CHST9: variants seen among roughly 807,000 people sequenced by gnomAD.
CHST9 encodes the protein GalNAc-4-sulfotransferase 2.
A neutral mutation model predicts 44.4 loss-of-function variants in CHST9; 41 were observed. The observed-to-expected ratio is 0.92, with a 90% CI of 0.72 to 1.20. The LOEUF is 1.20. CHST9 is among the 50% of genes most tolerant of loss of function. The probability of loss-of-function intolerance (pLI) is 0.00; values close to 1 mark genes in which losing one functional copy is unlikely to be tolerated. For synonymous variants in CHST9, 171 were observed against 178.4 expected (o/e 0.96, Z 0.33); for missense variants, 504 against 516.5 (o/e 0.98, Z 0.23).
intron 2 of CHST9, among the ~76,000 whole-genome samples, chr18:27,082,509 A>G (rs1457483310): frequency 6.6e-6 from 1 of 152,142 alleles, no homozygotes; most frequent in Non-Finnish European, 1.5e-5. Context: ...GGCTTCTCCC[A>G]TCCTCAGTGT....
intron 4 of CHST9, among the ~76,000 whole-genome samples, chr18:26,948,715 C>A (rs922025303): frequency 6.6e-6 from 1 of 152,094 alleles, no homozygotes; most frequent in Non-Finnish European, 1.5e-5. Context: ...GGCTTGTTTG[C>A]CTATCTATAA....
chr18:27,081,435 CAGG>C (rs1421246055), intron 2 of CHST9, among the ~76,000 whole-genome samples: 3 of 152,152 alleles, frequency 2.0e-5, no homozygotes, highest in Admixed American at 6.6e-5. Context: ...TCTCTGATTG[CAGG>C]AGAACAGGAA....
In CHST9 at chr18:27,142,833, G is replaced by T; in HGVS notation, c.-24C>A. On this transcript the variant is annotated 5_prime_UTR_variant, in exon 2 of 6. Transcript: ENST00000618847. Reference sequence around the variant, plus strand: ...ATTTCTCCTTATTTCAGAATCTGAAGACCACATGATTTGTTTTCCCGTAAA... The same window carrying T: ...ATTTCTCCTTATTTCAGAATCTGAATACCACATGATTTGTTTTCCCGTAAA... 1.3e-6 allele frequency: 2 copies of T among 1,582,388 alleles called. No homozygotes were observed. The highest frequency in any genetic ancestry group is 2.4e-5 in the South Asian group (2 of 83,274).
intron 3 of CHST9, among the ~76,000 whole-genome samples, chr18:27,048,041 A>G (rs1177696418): frequency 6.6e-6 from 1 of 152,208 alleles, no homozygotes; most frequent in Non-Finnish European, 1.5e-5. Context: ...CCTCCAAAAT[A>G]TAAAGATGCT....
chr18:27,009,075 G>C (rs2057052594), intron 4 of CHST9, among the ~76,000 whole-genome samples: 1 of 152,186 alleles, frequency 6.6e-6, no homozygotes, highest in Admixed American at 6.5e-5. Context: ...GTATATCAAG[G>C]ACTTAAAGAG....
rs76250256 is a variant in CHST9, at chr18:27,029,454, C to A, written c.161-5297G>T. ...ATGGTCCCATGGGGAACCAAGGAACCAAGGGTGGGATAAAGCTTAAGGAAA... is the reference window on the plus strand; with the variant it reads ...ATGGTCCCATGGGGAACCAAGGAACAAAGGGTGGGATAAAGCTTAAGGAAA... On this transcript the variant is annotated intron_variant, in intron 3 of 5. Coordinates refer to ENST00000618847, the MANE Select transcript of CHST9 (RefSeq NM_031422.6). Among the ~76,000 whole-genome samples, 1,410 of 152,112 alleles carry A rather than the reference C, an allele frequency of 9.3e-3. 21 individuals are homozygous for A. Among genetic ancestry groups the A allele is most frequent in the African/African-American group, 0.033 (1,349 of 41,474 alleles).
chr18:27,144,073 G>A (rs531135917), intron 1 of CHST9, among the ~76,000 whole-genome samples: 27 of 152,294 alleles, frequency 1.8e-4, no homozygotes, highest in African/African-American at 5.5e-4. Context: ...TTAGCAGCCC[G>A]GCTAATGGGG....
chr18:26,941,343 G>A (rs1030104976), intron 5 of CHST9, among the ~76,000 whole-genome samples: 15 of 152,060 alleles, frequency 9.9e-5, no homozygotes, highest in African/African-American at 1.9e-4. Context: ...AATTCACTAA[G>A]GGTTTCAATT....
intron 5 of CHST9, among the ~76,000 whole-genome samples, chr18:26,943,889 G>T (rs2056122344): frequency 6.6e-6 from 1 of 152,196 alleles, no homozygotes; most frequent in Non-Finnish European, 1.5e-5. Flanking sequence ...TCAACTTGTG[G>T]TATATAGGGG....
At position 26,915,262 on chromosome 18, in the gene CHST9, T is replaced by A. The variant is rs1016508157; in HGVS notation, c.*997A>T. On this transcript the variant is annotated 3_prime_UTR_variant, in exon 6 of 6. Coordinates refer to ENST00000618847, the MANE Select transcript of CHST9 (RefSeq NM_031422.6). ...AAGTGGTATATTAGTTTTTAAAAAG[T>A]CATTCCTAAGCTGAATAATTAAACT... The A allele has an allele frequency of 3.2e-6, 1 of 316,788 alleles. No individual in the cohort carries two copies. Among genetic ancestry groups the A allele is most frequent in the Admixed American group, 4.9e-5 (1 of 20,376 alleles). 19.6% of individuals were successfully genotyped at this position (316,788 alleles called of 1,614,324 possible). A position where few individuals can be genotyped will look rare whatever the true frequency, so the allele number is the denominator to read the frequency against.
chr18:27,028,830 G>C (rs181106176), intron 3 of CHST9, among the ~76,000 whole-genome samples: 1 of 152,126 alleles, frequency 6.6e-6, no homozygotes, highest in South Asian at 2.1e-4. Flanking sequence ...TTACAGGCGC[G>C]AGCCACTGTG....
At chr18:27,041,169 C>T (rs1347066947) in intron 3 of CHST9, among the ~76,000 whole-genome samples, 1 of 152,102 alleles carries the variant, frequency 6.6e-6, no homozygotes, top group African/African-American at 2.4e-5. Context: ...TTTGTCAAGA[C>T]CTGCTTCGTC....
rs1489746145 is a variant in CHST9 at position 26,956,324 on chromosome 18, A to AT, written c.203-11959_203-11958insA. ...GAGACTCTGTCTCAAAAAAAAAAAA[A>AT]AAATATATATATATATATATACACA... On this transcript the variant is annotated intron_variant, in intron 4 of 5. Coordinates refer to ENST00000618847, the MANE Select transcript of CHST9 (RefSeq NM_031422.6). 2.8e-3 allele frequency among the ~76,000 whole-genome samples: 357 copies of AT among 129,416 alleles called. 2 individuals carry two copies. Among genetic ancestry groups the AT allele is most frequent in the African/African-American group, 6.9e-3 (216 of 31,092 alleles). The allele number at this position is 129,416 out of a possible 152,430, so 84.9% of individuals were successfully genotyped here. A position where few individuals can be genotyped will look rare whatever the true frequency, so the allele number is the denominator to read the frequency against.
At chr18:27,147,287 C>T (rs889679981) in intron 1 of CHST9, among the ~76,000 whole-genome samples, 2 of 151,936 alleles carry the variant, frequency 1.3e-5, no homozygotes, top group African/African-American at 2.4e-5. Context: ...GGCTAGTCTC[C>T]AACTCCCGAC....
At position 26,916,286 on chromosome 18, in the gene CHST9, C is replaced by T. The variant is rs1268520801; in HGVS notation, c.1305G>A (p.Met435Ile). ...IYDFYYLDYLMFNYTTPFL is the reference protein window; with the variant it reads ...IYDFYYLDYLIFNYTTPFL ...ACAAAAATGGAGTTGTATAATTAAA[C>T]ATTAAATAGTCCAAGTAATAAAAGT... The change falls in exon 6 of 6, where the codon ATG becomes ATA. Residue 435 changes from methionine to isoleucine, a missense_variant. Transcript: ENST00000618847. The T allele has an allele frequency of 4.4e-6, 7 of 1,585,528 alleles. No individual in the cohort carries two copies. The African/African-American group carries it at 5.4e-5, about 12-fold the overall frequency.
chr18:26,990,860 T>G (rs2056808167), intron 4 of CHST9, among the ~76,000 whole-genome samples: 1 of 152,244 alleles, frequency 6.6e-6, no homozygotes, highest in Non-Finnish European at 1.5e-5. Context: ...CTTTTATTCT[T>G]CCCTTCCCTT....
At chr18:26,956,021 G>A (rs888099687) in intron 4 of CHST9, among the ~76,000 whole-genome samples, 1 of 151,968 alleles carries the variant, frequency 6.6e-6, no homozygotes, top group Non-Finnish European at 1.5e-5. Flanking sequence ...ATAGCGCCAG[G>A]TGCAGTGATT....
rs2055440385 is a variant in CHST9 at position 26,911,519 on chromosome 18, T to G, written c.*4740A>C. 1 of 152,174 alleles carries G rather than the reference T, an allele frequency of 6.6e-6. No individual in the cohort carries two copies. The highest frequency in any genetic ancestry group is 2.1e-4 in the South Asian group (1 of 4,834). 9.4% of individuals were successfully genotyped at this position (152,174 alleles called of 1,614,324 possible). A position where few individuals can be genotyped will look rare whatever the true frequency, so the allele number is the denominator to read the frequency against. On this transcript the variant is annotated 3_prime_UTR_variant, in exon 6 of 6. Transcript: ENST00000618847. ...TCAGGGAGCTCATAAAGAGATGAGA[T>G]TTTGAAATTGAATAATCTCAAGAGA...
chr18:26,939,142 A>G (rs2056044570), intron 5 of CHST9, among the ~76,000 whole-genome samples: 1 of 152,222 alleles, frequency 6.6e-6, no homozygotes, highest in South Asian at 2.1e-4. Flanking sequence ...TGATTAGAAT[A>G]TAGGGTAGAA....
Sources: gnomAD v4.1 joint callset for allele counts (sites outside exome capture counted in the v4.1 genomes callset) on GRCh38, gnomAD v4.1.1 for gene constraint, MANE v1.5 for transcripts, NCBI Gene and HGNC (gene_info 2026-07-23, HGNC 2026-07-21) for gene names.